Variants in DLK1 observed in about 807,000 individuals in gnomAD.
DLK1 encodes the protein protein delta homolog 1.
Under a neutral mutation model 35.2 loss-of-function variants are expected in DLK1, and 9 were observed. The observed-to-expected ratio is 0.26, with a 90% CI of 0.15 to 0.45. The LOEUF is 0.45. DLK1 is among the 20% of genes least tolerant of loss of function. The pLI is 1.00. For synonymous variants in DLK1, 231 were observed against 228.4 expected, an observed-to-expected ratio of 1.01 and a Z score of -0.10; for missense variants, 522 against 528.5, an observed-to-expected ratio of 0.99 and a Z score of 0.12.
At chr14:100,729,360 C>T (rs894115509) in intron 3 of DLK1, 23 of 628,480 alleles carry the variant, frequency 3.7e-5, no homozygotes, top group Admixed American at 3.2e-4. Flanking sequence ...AATACACATA[C>T]AGCTGGGCCG....
chr14:100,729,491 C>A (rs2036482572), intron 3 of DLK1, among the ~76,000 whole-genome samples: 1 of 145,104 alleles, frequency 6.9e-6, no homozygotes, highest in South Asian at 2.2e-4. Flanking sequence ...AAAGAGGCTG[C>A]AAACAAACAA....
At position 100,727,107 on chromosome 14, in the gene DLK1, C is replaced by A. The variant is rs368133855; in HGVS notation, c.39C>A (p.Leu13=). The A allele has an allele frequency of 1.9e-6, 3 of 1,595,078 alleles. No homozygotes were observed. The African/African-American group carries it at 4.1e-5, about 22-fold the overall frequency. The change falls in exon 1 of 5, where the codon CTC becomes CTA. Residue 13 remains leucine, a synonymous_variant. Coordinates refer to ENST00000341267, the MANE Select transcript of DLK1 (RefSeq NM_003836.7). ...AAGCCCTCCTGCGCGTCCTCTTGCT[C>A]CTGCTGGCTTTCGGCCACAGCACCT... ...ATEALLRVLL[L]LLAFGHSTYG...
chr14:100,727,045 G>T lies in DLK1; in HGVS notation c.-24G>T. On this transcript the variant is annotated 5_prime_UTR_variant, in exon 1 of 5. Transcript: ENST00000341267. Reference sequence around the variant, plus strand: ...GGACCCGCGCCCGCACCGCTCCCGGGACCGCGACCCCGGCCGCCCAGAGAT... The same window carrying T: ...GGACCCGCGCCCGCACCGCTCCCGGTACCGCGACCCCGGCCGCCCAGAGAT... 1 of 1,557,318 alleles carries T rather than the reference G, an allele frequency of 6.4e-7. No homozygotes were observed. The highest frequency in any genetic ancestry group is 8.7e-7 in the Non-Finnish European group (1 of 1,154,832).
intron 4 of DLK1, among the ~76,000 whole-genome samples, chr14:100,732,778 A>G (rs1003699207): frequency 4.6e-5 from 7 of 152,154 alleles, no homozygotes; most frequent in Non-Finnish European, 1.0e-4. Flanking sequence ...CTCCCTGAAC[A>G]ATGCTTCCCA....
Position 100,734,455 on chromosome 14 carries a change from C to A in DLK1, c.711C>A (p.Pro237=). 1.2e-6 allele frequency: 2 copies of A among 1,611,918 alleles called. No individual in the cohort carries two copies. Among genetic ancestry groups the A allele is most frequent in the Non-Finnish European group, 1.7e-6 (2 of 1,179,068 alleles). ...TQVSYECLCK[P]EFTGLTCVKK... ...TGAGCTACGAGTGTCTGTGCAAGCC[C>A]GAGTTCACAGGTCTCACCTGTGTCA... Residue 237 remains proline, a synonymous_variant, in exon 5 of 5, where the codon CCC becomes CCA. Coordinates refer to ENST00000341267, the MANE Select transcript of DLK1 (RefSeq NM_003836.7). This position sits in a 1 kb window ranked among gnomAD's most constrained non-coding sequence, Gnocchi z 7.4.
rs1027472546 is a variant in DLK1 at position 100,733,660 on chromosome 14, C to T, written c.405-489C>T. Among the ~76,000 whole-genome samples, 5 of 152,176 alleles carry T rather than the reference C, an allele frequency of 3.3e-5. No individual in the cohort carries two copies. The East Asian group carries it at 5.8e-4, about 18-fold the overall frequency. On this transcript the variant is annotated intron_variant, in intron 4 of 4. Coordinates refer to ENST00000341267, the MANE Select transcript of DLK1 (RefSeq NM_003836.7). Reference sequence around the variant, plus strand: ...GCGGGTCCCGGGATAGAGTGAGGGGCGCCCCTTGCTTGGTTCTTCTGCCCC... The same window carrying T: ...GCGGGTCCCGGGATAGAGTGAGGGGTGCCCCTTGCTTGGTTCTTCTGCCCC...
At chr14:100,728,634 G>GA (rs1399888826) in intron 2 of DLK1, 175 bp downstream of exon 2, 5 of 209,544 alleles carry the variant, frequency 2.4e-5, no homozygotes, top group Non-Finnish European at 4.7e-5. Context: ...CGGGGGGGGG[G>GA]CAGCCACAGC....
Position 100,734,113 on chromosome 14 carries a change from C to T in DLK1, c.405-36C>T. 6.4e-7 allele frequency: 1 copy of T among 1,562,958 alleles called. No homozygotes were observed. On this transcript the variant is annotated intron_variant, in intron 4 of 4. Coordinates refer to ENST00000341267, the MANE Select transcript of DLK1 (RefSeq NM_003836.7). The surrounding 1 kb of genome is among the most constrained non-coding windows in gnomAD (Gnocchi z 7.4). The stretch of plus-strand genomic sequence containing the variant: ...CCTGCAGCGCTGTTGTAGCCTAGCC[C>T]CTGAGGCCGTTTACTATGTCCCTGT...
chr14:100,730,339 C>T (rs2036493005), intron 3 of DLK1, among the ~76,000 whole-genome samples: 2 of 152,148 alleles, frequency 1.3e-5, no homozygotes, highest in Admixed American at 6.5e-5. Flanking sequence ...ATCTAAATGC[C>T]GTACACCCTT....
chr14:100,728,558 G>C, intron 2 of DLK1, 99 bp downstream of exon 2: 1 of 1,145,384 alleles, frequency 8.7e-7, no homozygotes, highest in Non-Finnish European at 1.2e-6. Flanking sequence ...TGGCCACTAC[G>C]CTGCAGCAAA....
Position 100,734,728 on chromosome 14 carries a change from C to T in DLK1, c.984C>T (p.Asn328=). ...GCACTGTGGGTATCGTCTTCCTCAACAAGTGCGAGACCTGGGTGTCCAACC... is the reference window on the plus strand; with the variant it reads ...GCACTGTGGGTATCGTCTTCCTCAATAAGTGCGAGACCTGGGTGTCCAACC... ...VLGTVGIVFL[N]KCETWVSNLR... is the part of the protein sequence containing the mutation. The change falls in exon 5 of 5, where the codon AAC becomes AAT. Residue 328 remains asparagine, a synonymous_variant. Coordinates refer to ENST00000341267, the MANE Select transcript of DLK1 (RefSeq NM_003836.7). The surrounding 1 kb of genome is among the most constrained non-coding windows in gnomAD (Gnocchi z 7.4). 1 of 1,614,136 alleles carries T rather than the reference C, an allele frequency of 6.2e-7. No homozygotes were observed.
chr14:100,733,367 G>C (rs904182355), intron 4 of DLK1, among the ~76,000 whole-genome samples: 1 of 152,236 alleles, frequency 6.6e-6, no homozygotes, highest in South Asian at 2.1e-4. Flanking sequence ...GGGCTCGCTC[G>C]TTTAAAAGCA....
chr14:100,726,921 C>T lies in DLK1; in HGVS notation c.-148C>T, dbSNP rs1317970762. The T allele has an allele frequency of 4.6e-6, 3 of 645,180 alleles. No homozygotes were observed. In the East Asian group the frequency reaches 1.2e-4, roughly 25 times the overall value. 40.0% of individuals were successfully genotyped at this position (645,180 alleles called of 1,614,324 possible). On this transcript the variant is annotated 5_prime_UTR_variant, in exon 1 of 5. Transcript: ENST00000341267. The surrounding 1 kb of genome is among the most constrained non-coding windows in gnomAD (Gnocchi z 4.2). The stretch of plus-strand genomic sequence containing the variant: ...GCTCCCCGGCAGCGGCGGTGGAGAG[C>T]GCAGCGCGCAGCCCGGTGCAGCCCT...
rs919220014 is a variant in DLK1, at chr14:100,735,656, C to T, written c.*760C>T. 6.6e-6 allele frequency: 1 copy of T among 152,160 alleles called. No homozygotes were observed. The highest frequency in any genetic ancestry group is 6.5e-5 in the Admixed American group (1 of 15,278). The allele number at this position is 152,160 out of a possible 1,614,324, so 9.4% of individuals were successfully genotyped here. On this transcript the variant is annotated 3_prime_UTR_variant, in exon 5 of 5. Transcript: ENST00000341267. ...GGTATGAACCAAAACACTTCCTGAC[C>T]CCAACAATTGGGATCTGATGAAGAC... is the stretch of plus-strand genomic sequence containing the variant.
At chr14:100,733,196 C>T (rs10132598) in intron 4 of DLK1, among the ~76,000 whole-genome samples, 37,823 of 152,070 alleles carry the variant, frequency 0.25, 6,263 homozygotes, top group East Asian at 0.86. Context: ...TTGCTTTTCT[C>T]GCGAATGGAC....
At chr14:100,729,750 A>G (rs1188755400) in intron 3 of DLK1, among the ~76,000 whole-genome samples, 1 of 152,178 alleles carries the variant, frequency 6.6e-6, no homozygotes, top group Non-Finnish European at 1.5e-5. Flanking sequence ...AGGCTGCGAA[A>G]TGTTCGTCTA....
chr14:100,731,997 G>A, intron 3 of DLK1, 45 bp from the exon 4 acceptor site: 1 of 1,585,368 alleles, frequency 6.3e-7, no homozygotes, highest in Admixed American at 1.7e-5. Flanking sequence ...TCACGCTCGT[G>A]TATGGAGAGG....
In DLK1 at chr14:100,734,427, A is replaced by G. The variant is rs1232090739; in HGVS notation, c.683A>G (p.Gln228Arg). The G allele has an allele frequency of 5.8e-5, 94 of 1,611,898 alleles. No homozygotes were observed. The highest frequency in any genetic ancestry group is 8.0e-5 in the Non-Finnish European group (94 of 1,179,166). ...GGGGGCACCTGCCTGCAGCACACCCAGGTGAGCTACGAGTGTCTGTGCAAG... is the reference window on the plus strand; with the variant it reads ...GGGGGCACCTGCCTGCAGCACACCCGGGTGAGCTACGAGTGTCTGTGCAAG... Reference protein sequence around the residue: ...QNGGTCLQHTQVSYECLCKPE... With the variant: ...QNGGTCLQHTRVSYECLCKPE... Residue 228 changes from glutamine to arginine, a missense_variant, in exon 5 of 5, where the codon CAG becomes CGG. Transcript: ENST00000341267. This position sits in a 1 kb window ranked among gnomAD's most constrained non-coding sequence, Gnocchi z 7.4.
chr14:100,732,251 G>A (rs2036518495), intron 4 of DLK1, 68 bp downstream of exon 4: 1 of 1,560,458 alleles, frequency 6.4e-7, no homozygotes, highest in African/African-American at 1.4e-5. Context: ...GACCCTTTCA[G>A]CCTAACCCTG....
Sources: allele counts gnomAD v4.1 joint callset (sites outside exome capture counted in the v4.1 genomes callset), GRCh38; gene constraint gnomAD v4.1.1; non-coding constraint Gnocchi (gnomAD v3.1); transcripts MANE v1.5; gene names NCBI Gene and HGNC (gene_info 2026-07-23, HGNC 2026-07-21).